ATG7: variants seen among roughly 807,000 people sequenced by gnomAD.
The protein encoded by ATG7 is ubiquitin-like modifier-activating enzyme ATG7.
A neutral mutation model predicts 82.4 loss-of-function variants in ATG7; 70 were observed. That is an observed-to-expected ratio of 0.85 (90% CI 0.70 to 1.04). The LOEUF is 1.04. ATG7 is among the 50% of genes least tolerant of loss of function. The probability of loss-of-function intolerance (pLI) is 0.00; values close to 1 mark genes in which losing one functional copy is unlikely to be tolerated. For synonymous variants in ATG7, 287 were observed against 313.0 expected (o/e 0.92, Z 0.88); for missense variants, 792 against 864.3 (o/e 0.92, Z 1.05).
At chr3:11,360,399 C>G (rs2076212855) in intron 15 of ATG7, among the ~76,000 whole-genome samples, 182 bp from the exon 16 acceptor site, 1 of 152,166 alleles carries the variant, frequency 6.6e-6, no homozygotes. Context: ...CATCACTTAT[C>G]AAGTCTTTTG....
intron 20 of ATG7, among the ~76,000 whole-genome samples, chr3:11,518,681 CTAGAA>C (rs2092352765): frequency 6.6e-6 from 1 of 152,126 alleles, no homozygotes; most frequent in Admixed American, 6.6e-5. Context: ...TTGCTGGATT[CTAGAA>C]TAAACATTTG....
intron 20 of ATG7, among the ~76,000 whole-genome samples, chr3:11,529,008 G>T (rs559498335): frequency 6.6e-6 from 1 of 152,054 alleles, no homozygotes; most frequent in Non-Finnish European, 1.5e-5. Context: ...AACTGCAAAG[G>T]TGGGCCTGGA....
At chr3:11,420,897 A>T (rs1292106376) in intron 19 of ATG7, among the ~76,000 whole-genome samples, 1 of 151,710 alleles carries the variant, frequency 6.6e-6, no homozygotes, top group Non-Finnish European at 1.5e-5. Context: ...CTGGGACTAC[A>T]GGTGTATGCC....
intron 19 of ATG7, among the ~76,000 whole-genome samples, chr3:11,385,027 T>C (rs2078210507): frequency 6.6e-6 from 1 of 152,056 alleles, no homozygotes; most frequent in Admixed American, 6.5e-5. Context: ...TTTGTTTGTT[T>C]GTTTGTTTGT....
At chr3:11,530,387 C>T (rs1370289974) in intron 20 of ATG7, among the ~76,000 whole-genome samples, 2 of 152,122 alleles carry the variant, frequency 1.3e-5, no homozygotes, top group African/African-American at 4.8e-5. Flanking sequence ...TTTAAACAGC[C>T]AGAATGACCT....
At chr3:11,310,699 G>C (rs1218961531) in intron 7 of ATG7, among the ~76,000 whole-genome samples, 1 of 149,736 alleles carries the variant, frequency 6.7e-6, no homozygotes, top group Non-Finnish European at 1.5e-5. Flanking sequence ...ATGGTGCGAT[G>C]TCGGCTCACT....
At chr3:11,483,782 A>C (rs937235612) in intron 20 of ATG7, among the ~76,000 whole-genome samples, 1 of 152,174 alleles carries the variant, frequency 6.6e-6, no homozygotes, top group African/African-American at 2.4e-5. Flanking sequence ...GTACACAATG[A>C]CCCTGCAGCC....
intron 3 of ATG7, among the ~76,000 whole-genome samples, chr3:11,282,958 G>A (rs1943321762): frequency 6.6e-6 from 1 of 152,182 alleles, no homozygotes; most frequent in Non-Finnish European, 1.5e-5. Context: ...TTTAATGACT[G>A]CCAGAGCTTG....
chr3:11,386,079 G>C (rs1179156903), intron 19 of ATG7, among the ~76,000 whole-genome samples: 1 of 152,196 alleles, frequency 6.6e-6, no homozygotes, highest in Admixed American at 6.5e-5. Flanking sequence ...GTGGAGGGCA[G>C]GAAGTCAGGG....
intron 19 of ATG7, among the ~76,000 whole-genome samples, chr3:11,381,544 T>C (rs2077899787): frequency 6.6e-6 from 1 of 152,240 alleles, no homozygotes; most frequent in African/African-American, 2.4e-5. Context: ...AAGCATACCA[T>C]CTAACTGGGC....
At chr3:11,283,998 CAG>C (rs1943519515) in intron 3 of ATG7, among the ~76,000 whole-genome samples, 1 of 152,112 alleles carries the variant, frequency 6.6e-6, no homozygotes, top group African/African-American at 2.4e-5. Context: ...CTAAAACACA[CAG>C]AAAAATCAGA....
At chr3:11,502,625 T>G (rs1209738966) in intron 20 of ATG7, among the ~76,000 whole-genome samples, 2 of 151,946 alleles carry the variant, frequency 1.3e-5, no homozygotes, top group Non-Finnish European at 2.9e-5. Flanking sequence ...AGTCTATCAT[T>G]GTTGGACATT....
At chr3:11,445,831 T>C (rs2084495908) in intron 20 of ATG7, among the ~76,000 whole-genome samples, 1 of 152,200 alleles carries the variant, frequency 6.6e-6, no homozygotes, top group African/African-American at 2.4e-5. Flanking sequence ...CATTTTAAAA[T>C]TTTTGCCAAT....
intron 20 of ATG7, among the ~76,000 whole-genome samples, chr3:11,490,076 G>A (rs1475624217): frequency 1.3e-5 from 2 of 152,046 alleles, no homozygotes; most frequent in African/African-American, 2.4e-5. Context: ...TGACAGTGGG[G>A]TGTTAAAGTC....
intron 20 of ATG7, among the ~76,000 whole-genome samples, chr3:11,521,400 G>C (rs897215011): frequency 2.6e-5 from 4 of 152,118 alleles, no homozygotes; most frequent in African/African-American, 9.7e-5. Context: ...GGTATGTGGT[G>C]GTGGAGAAAA....
At chr3:11,362,761 G>A in intron 16 of ATG7, 52 bp from the exon 17 acceptor site, 1 of 1,449,634 alleles carries the variant, frequency 6.9e-7, no homozygotes, top group Non-Finnish European at 9.5e-7. Context: ...GAGACAGCTA[G>A]AGTTGAATGG....
chr3:11,491,389 G>A (rs2090340136), intron 20 of ATG7, among the ~76,000 whole-genome samples: 1 of 152,078 alleles, frequency 6.6e-6, no homozygotes, highest in African/African-American at 2.4e-5. Context: ...TTTTTTCAAA[G>A]TTTTCAACTT....
Position 11,460,985 on chromosome 3 carries a change from C to T in ATG7, c.2079+34059C>T, listed in dbSNP as rs75982152. 1.6e-3 allele frequency among the ~76,000 whole-genome samples: 248 copies of T among 152,220 alleles called. 1 individual carries two copies. Among genetic ancestry groups the T allele is most frequent in the African/African-American group, 5.8e-3 (242 of 41,520 alleles). On this transcript the variant is annotated intron_variant, in intron 20 of 20. Coordinates refer to ENST00000693202, the MANE Select transcript of ATG7 (RefSeq NM_001349232.2). Reference sequence around the variant, plus strand: ...TTCCTTTTCAGAATATATACAGTACCACCAGTAGTAAGTCATCTTTTTGGA... The same window carrying T: ...TTCCTTTTCAGAATATATACAGTACTACCAGTAGTAAGTCATCTTTTTGGA...
chr3:11,365,945 C>T (rs1370806306), intron 18 of ATG7, among the ~76,000 whole-genome samples: 3 of 152,064 alleles, frequency 2.0e-5, no homozygotes, highest in African/African-American at 7.2e-5. Flanking sequence ...GTGGGCCGGG[C>T]GCGGTGACTC....
Sources: gnomAD v4.1 joint callset for allele counts (sites outside exome capture counted in the v4.1 genomes callset) on GRCh38, gnomAD v4.1.1 for gene constraint, MANE v1.5 for transcripts, NCBI Gene and HGNC (gene_info 2026-07-23, HGNC 2026-07-21) for gene names.